The following KANK1 variants were observed in gnomAD, a reference collection of about 807,000 sequenced individuals.
The protein encoded by KANK1 is KN motif and ankyrin repeat domains 1.
Under a neutral mutation model 106.2 loss-of-function variants are expected in KANK1, and 109 were observed. The observed-to-expected ratio is 1.03, with a 90% CI of 0.88 to 1.20. The LOEUF is 1.20. KANK1 is among the 50% of genes most tolerant of loss of function. The pLI, the probability that KANK1 is intolerant of heterozygous loss-of-function variation, is 0.00. For synonymous variants in KANK1, 873 were observed against 652.2 expected (o/e 1.34, Z -5.16); for missense variants, 2,399 against 1,710.7 (o/e 1.40, Z -7.10).
chr9:482,610 A>G (rs1554719070), intron 3 of KANK1, among the ~76,000 whole-genome samples: 1 of 152,188 alleles, frequency 6.6e-6, no homozygotes, highest in Non-Finnish European at 1.5e-5. Context: ...GTCTCCAAAA[A>G]CTGACTACAA....
At chr9:518,225 A>AC (rs1167106822) in intron 1 of KANK1, among the ~76,000 whole-genome samples, 2 of 151,586 alleles carry the variant, frequency 1.3e-5, no homozygotes, top group Non-Finnish European at 2.9e-5. Flanking sequence ...AGTGTTGTAA[A>AC]CCTCTGACCT....
rs909391051 is a variant in KANK1 at position 574,914 on chromosome 9, A to G, written c.-84+70160A>G. 2.0e-5 allele frequency among the ~76,000 whole-genome samples: 3 copies of G among 152,090 alleles called. No homozygotes were observed. The South Asian group carries it at 6.2e-4, about 32-fold the overall frequency. On this transcript the variant is annotated intron_variant, in intron 1 of 11. Coordinates refer to ENST00000382297, the MANE Select transcript of KANK1 (RefSeq NM_015158.5). ...TTTTTTTAAGTGTATATATTTTTTAAGTTGAAACCTGTGTTTGCCTTGTCT... is the reference window on the plus strand; with the variant it reads ...TTTTTTTAAGTGTATATATTTTTTAGGTTGAAACCTGTGTTTGCCTTGTCT...
chr9:628,654 G>A (rs908761441), intron 1 of KANK1, among the ~76,000 whole-genome samples: 1 of 152,116 alleles, frequency 6.6e-6, no homozygotes, highest in Admixed American at 6.5e-5. Context: ...ATCTTCAGGG[G>A]AGATTCCTCC....
chr9:714,911 C>T (rs1827275785), intron 3 of KANK1, among the ~76,000 whole-genome samples: 1 of 152,186 alleles, frequency 6.6e-6, no homozygotes, highest in Non-Finnish European at 1.5e-5. Context: ...CTCCAATTCT[C>T]ATGAATCAGT....
At chr9:474,700 T>C (rs1163057802) in intron 3 of KANK1, among the ~76,000 whole-genome samples, 1 of 152,172 alleles carries the variant, frequency 6.6e-6, no homozygotes, top group Non-Finnish European at 1.5e-5. Context: ...CTCATTATCT[T>C]TTCTATATTT....
chr9:502,700 T>C (rs914809296), upstream of KANK1, among the ~76,000 whole-genome samples: 2 of 152,050 alleles, frequency 1.3e-5, no homozygotes, highest in African/African-American at 4.8e-5. Flanking sequence ...TTTTTTTGTA[T>C]TTTTTAGTAG....
At chr9:620,330 A>G (rs1039599328) in intron 1 of KANK1, among the ~76,000 whole-genome samples, 2 of 152,094 alleles carry the variant, frequency 1.3e-5, no homozygotes, top group African/African-American at 4.8e-5. Flanking sequence ...TGCCCCCTAA[A>G]TAAAACCTGC....
At chr9:514,688 C>T (rs1222113520) in intron 1 of KANK1, among the ~76,000 whole-genome samples, 1 of 151,608 alleles carries the variant, frequency 6.6e-6, no homozygotes, top group Non-Finnish European at 1.5e-5. Flanking sequence ...TGCTGTTCAT[C>T]CTGTTGTCCA....
At chr9:734,481 C>T in intron 6 of KANK1, 1 of 316,606 alleles carries the variant, frequency 3.2e-6, no homozygotes, top group Non-Finnish European at 6.1e-6. Flanking sequence ...GCCTGGCCAA[C>T]ATAGTGAAAC....
At chr9:499,472 A>G (rs1264395804) in intron 3 of KANK1, among the ~76,000 whole-genome samples, 1 of 152,198 alleles carries the variant, frequency 6.6e-6, no homozygotes, top group East Asian at 1.9e-4. Flanking sequence ...CCTGGGCCCA[A>G]TTCCTGCTGC....
At chr9:483,764 A>G (rs1206842261) in intron 3 of KANK1, among the ~76,000 whole-genome samples, 3 of 152,170 alleles carry the variant, frequency 2.0e-5, no homozygotes, top group Non-Finnish European at 2.9e-5. Flanking sequence ...ACCTCAGGGT[A>G]GAGGAGAGGG....
intron 1 of KANK1, among the ~76,000 whole-genome samples, chr9:525,458 C>T (rs1405031343): frequency 6.6e-6 from 1 of 151,126 alleles, no homozygotes; most frequent in Non-Finnish European, 1.5e-5. Flanking sequence ...TGGCTCACTG[C>T]AACTTCCACC....
At chr9:496,492 C>T (rs936416692) in intron 3 of KANK1, among the ~76,000 whole-genome samples, 2 of 152,048 alleles carry the variant, frequency 1.3e-5, no homozygotes, top group Admixed American at 6.6e-5. Flanking sequence ...GAGAGGTGGA[C>T]GTTGCAGTGA....
chr9:475,761 G>GT (rs1439844480), intron 3 of KANK1, among the ~76,000 whole-genome samples: 2 of 152,180 alleles, frequency 1.3e-5, no homozygotes, highest in Non-Finnish European at 2.9e-5. Context: ...ATTTGCATCT[G>GT]TAAAGAATCT....
At chr9:717,756 TA>T (rs1250062810) in intron 3 of KANK1, among the ~76,000 whole-genome samples, 7 of 152,240 alleles carry the variant, frequency 4.6e-5, no homozygotes, top group Non-Finnish European at 1.0e-4. Context: ...TTTCTTTTTT[TA>T]ATTACTATTT....
upstream of KANK1, among the ~76,000 whole-genome samples, chr9:504,346 G>T (rs1450370483): frequency 6.6e-6 from 1 of 151,612 alleles, no homozygotes; most frequent in Non-Finnish European, 1.5e-5. Flanking sequence ...GAGGCCCGCG[G>T]GCCAGGCGCG....
intron 3 of KANK1, among the ~76,000 whole-genome samples, chr9:489,337 A>T (rs182207896): frequency 3.0e-4 from 45 of 152,300 alleles, no homozygotes; most frequent in African/African-American, 1.1e-3. Flanking sequence ...TAAACTCAAC[A>T]ATCTCCAAGG....
At chr9:727,714 G>GTGTGTGTA in intron 3 of KANK1, among the ~76,000 whole-genome samples, 2 of 150,216 alleles carry the variant, frequency 1.3e-5, no homozygotes, top group South Asian at 4.2e-4. Flanking sequence ...GTGTGTGTGT[G>GTGTGTGTA]TGTATGTGTG....
Position 666,745 on chromosome 9 carries a change from G to C in KANK1, c.-83-10145G>C, listed in dbSNP as rs560781257. On this transcript the variant is annotated intron_variant, in intron 1 of 11. Transcript: ENST00000382297. ...TCTGTTAATGTGTATCACATTTACT[G>C]ATTTGCATATGCTGAACCATCTTTG... 1.6e-4 allele frequency among the ~76,000 whole-genome samples: 24 copies of C among 152,206 alleles called. No individual in the cohort carries two copies. The South Asian group carries it at 4.1e-3, about 26-fold the overall frequency.
Sources: gnomAD v4.1 joint callset for allele counts (sites outside exome capture counted in the v4.1 genomes callset) on GRCh38, gnomAD v4.1.1 for gene constraint, MANE v1.5 for transcripts, NCBI Gene and HGNC (gene_info 2026-07-23, HGNC 2026-07-21) for gene names.